Variants in PLA2G4C observed in about 807,000 individuals in gnomAD.
PLA2G4C encodes phospholipase A2 group IVC.
In PLA2G4C, 64 loss-of-function variants were observed where a neutral mutation model predicts 73.8. The ratio of observed to expected loss-of-function variants is 0.87; its 90% CI spans 0.71 to 1.07. The LOEUF is 1.07. Among genes scored for constraint, PLA2G4C ranks in the 50% least tolerant of loss-of-function variants. PLA2G4C has a pLI of 0.00. For missense variants in PLA2G4C, 622 were observed against 665.4 expected (o/e 0.93, Z 0.72); for synonymous variants, 254 against 252.1 (o/e 1.01, Z -0.07).
At chr19:48,064,415 A>G (rs1452602043) in intron 13 of PLA2G4C, among the ~76,000 whole-genome samples, 2 of 139,200 alleles carry the variant, frequency 1.4e-5, no homozygotes, top group African/African-American at 5.4e-5. Context: ...GGCAACAAAG[A>G]GCAAAACTCT....
chr19:48,104,589 A>G lies in PLA2G4C; in HGVS notation c.256T>C (p.Trp86Arg), dbSNP rs1488049990. The change falls in exon 4 of 17, where the codon TGG becomes CGG. Residue 86 changes from tryptophan (W) to arginine (R), a missense_variant and splice_region_variant. Trp to Arg is a moderately radical substitution (Grantham distance 101). Coordinates refer to ENST00000599921, the MANE Select transcript of PLA2G4C (RefSeq NM_003706.3). Reference protein sequence around the residue: ...TYLAGVSGSTWAISSLYTNDG... With the variant: ...TYLAGVSGSTRAISSLYTNDG... ...ATCTGAAACATGAGTGATGCTTACCAAGTGGATCCAGAGACCCCTGCGAGG... is the reference window on the plus strand; with the variant it reads ...ATCTGAAACATGAGTGATGCTTACCGAGTGGATCCAGAGACCCCTGCGAGG... 3 of 1,613,862 alleles carry G rather than the reference A, an allele frequency of 1.9e-6. No homozygotes were observed. The highest frequency in any genetic ancestry group is 4.5e-5 in the East Asian group (2 of 44,878).
chr19:48,054,193 T>A (rs949006347), intron 15 of PLA2G4C, among the ~76,000 whole-genome samples: 5 of 152,110 alleles, frequency 3.3e-5, no homozygotes, highest in Admixed American at 6.6e-5. Flanking sequence ...TCATCTTGAA[T>A]TGTAGTTCCC....
chr19:48,108,990 G>C (rs996499182), intron 1 of PLA2G4C: 2 of 152,066 alleles, frequency 1.3e-5, no homozygotes, highest in Admixed American at 6.6e-5. Flanking sequence ...ACAAGGACTG[G>C]GGGTCAGTTT....
chr19:48,061,832 C>T (rs1464052315), intron 14 of PLA2G4C, 166 bp downstream of exon 14: 6 of 687,442 alleles, frequency 8.7e-6, no homozygotes, highest in South Asian at 6.9e-5. Context: ...TGGCCGACCG[C>T]GGGTGCTTCG....
At chr19:48,075,014 C>T in intron 11 of PLA2G4C, 140 bp from the exon 12 acceptor site, 1 of 564,496 alleles carries the variant, frequency 1.8e-6, no homozygotes, top group Non-Finnish European at 3.1e-6. Flanking sequence ...ACCCTCTCTC[C>T]CCTTGCCTTC....
chr19:48,058,994 C>T (rs1968066834), intron 14 of PLA2G4C, among the ~76,000 whole-genome samples: 3 of 151,876 alleles, frequency 2.0e-5, no homozygotes, highest in Admixed American at 6.6e-5. Context: ...GTTTATTGGC[C>T]GGGCGTGGTG....
At chr19:48,061,433 C>A (rs748895963) in intron 14 of PLA2G4C, 2 of 153,534 alleles carry the variant, frequency 1.3e-5, no homozygotes, top group Admixed American at 1.3e-4. Context: ...GCTGAGGAAA[C>A]CGACATGCAC....
At chr19:48,057,070 A>G (rs560295723) in intron 14 of PLA2G4C, among the ~76,000 whole-genome samples, 3 of 152,088 alleles carry the variant, frequency 2.0e-5, no homozygotes, top group Non-Finnish European at 2.9e-5. Flanking sequence ...AATCGGTACA[A>G]CAAATCCCCA....
At chr19:48,097,490 G>A (rs542464253) in intron 6 of PLA2G4C, among the ~76,000 whole-genome samples, 1 of 151,814 alleles carries the variant, frequency 6.6e-6, no homozygotes, top group East Asian at 2.0e-4. Context: ...CTGACCTCGT[G>A]ATCCACCCGC....
intron 12 of PLA2G4C, chr19:48,074,290 C>G (rs2029986733): frequency 6.3e-6 from 1 of 158,762 alleles, no homozygotes. Flanking sequence ...CAGCTCCACC[C>G]ATATCCCTGC....
intron 16 of PLA2G4C, among the ~76,000 whole-genome samples, chr19:48,052,428 GCTCT>G (rs377304721): frequency 2.0e-5 from 3 of 151,562 alleles, no homozygotes; most frequent in Non-Finnish European, 4.4e-5. Flanking sequence ...TTCCCGCTTT[GCTCT>G]CTCTCTCTCC....
chr19:48,084,086 G>C (rs1314540368), intron 10 of PLA2G4C, among the ~76,000 whole-genome samples: 2 of 149,780 alleles, frequency 1.3e-5, no homozygotes, highest in East Asian at 2.0e-4. Context: ...GTGTGATGGA[G>C]TCTTGCTCTG....
At chr19:48,103,097 T>C (rs991576412) in intron 4 of PLA2G4C, among the ~76,000 whole-genome samples, 2 of 152,116 alleles carry the variant, frequency 1.3e-5, no homozygotes, top group Non-Finnish European at 2.9e-5. Context: ...GGTCTTGAAC[T>C]CCTGGGCTCA....
Position 48,054,940 on chromosome 19 carries a change from A to G in PLA2G4C, c.1367T>C (p.Leu456Pro), listed in dbSNP as rs1967876730. 2 of 1,613,910 alleles carry G rather than the reference A, an allele frequency of 1.2e-6. No homozygotes were observed. Among genetic ancestry groups the G allele is most frequent in the Non-Finnish European group, 1.7e-6 (2 of 1,180,018 alleles). Reference protein sequence around the residue: ...WSKAPASCYILKGETGPVVMH... With the variant: ...WSKAPASCYIPKGETGPVVMH... ...CACCACTGGTCCAGTTTCTCCTTTC[A>G]GGATGTAGCAGCTGGCGGGGGCCTT... The change falls in exon 15 of 17, where the codon CTG becomes CCG. Residue 456 changes from leucine to proline, a missense_variant. Physicochemically the swap from Leu to Pro is moderately conservative, Grantham distance 98. Transcript: ENST00000599921.
chr19:48,052,921 T>C, intron 16 of PLA2G4C, 76 bp downstream of exon 16: 3 of 1,481,250 alleles, frequency 2.0e-6, no homozygotes, highest in Non-Finnish European at 2.8e-6. Flanking sequence ...CCCTCCTGCC[T>C]GTTGCAGAGA....
Position 48,110,590 on chromosome 19 carries a change from C to A in PLA2G4C, c.-136G>T. On this transcript the variant is annotated 5_prime_UTR_variant, in exon 1 of 17. Coordinates refer to ENST00000599921, the MANE Select transcript of PLA2G4C (RefSeq NM_003706.3). ...TGCGCTTAGCGGTGTAGTCGCTGGA[C>A]AGCTCCTTCAGCCGGAATCTCCGCG... is the stretch of plus-strand genomic sequence containing the variant. 7.6e-7 allele frequency: 1 copy of A among 1,310,798 alleles called. No individual in the cohort carries two copies. The highest frequency in any genetic ancestry group is 1.0e-6 in the Non-Finnish European group (1 of 971,460). 81.2% of individuals were successfully genotyped at this position (1,310,798 alleles called of 1,614,324 possible).
chr19:48,064,815 G>A (rs184065557), intron 13 of PLA2G4C: 1 of 152,316 alleles, frequency 6.6e-6, no homozygotes, highest in African/African-American at 2.4e-5. Context: ...AAGACCATAC[G>A]AGGATATGAG....
intron 15 of PLA2G4C, 54 bp from the exon 16 acceptor site, chr19:48,053,201 T>C: frequency 2.1e-6 from 3 of 1,408,942 alleles, no homozygotes; most frequent in Non-Finnish European, 1.9e-6. Context: ...GGACAATTAA[T>C]TCTGCAGATT....
chr19:48,110,621 A>C lies in PLA2G4C; in HGVS notation c.-167T>G. The C allele has an allele frequency of 2.8e-6, 2 of 719,736 alleles. No homozygotes were observed. Among genetic ancestry groups the C allele is most frequent in the South Asian group, 5.2e-5 (2 of 38,146 alleles). The allele number at this position is 719,736 out of a possible 1,614,324, so 44.6% of individuals were successfully genotyped here. A position where few individuals can be genotyped will look rare whatever the true frequency, so the allele number is the denominator to read the frequency against. On this transcript the variant is annotated 5_prime_UTR_variant, in exon 1 of 17. Transcript: ENST00000599921. The stretch of plus-strand genomic sequence containing the variant: ...CTTCAGCCGGAATCTCCGCGGGTGA[A>C]GACTGCGGGGATCCTCGGTGCCAAA...
Sources: allele counts gnomAD v4.1 joint callset (sites outside exome capture counted in the v4.1 genomes callset), GRCh38; gene constraint gnomAD v4.1.1; transcripts MANE v1.5; gene names NCBI Gene and HGNC (gene_info 2026-07-23, HGNC 2026-07-21).